Variants in INPP4B observed in about 807,000 individuals in gnomAD.
The protein encoded by INPP4B is inositol polyphosphate 4-phosphatase type II.
A neutral mutation model predicts 122.5 loss-of-function variants in INPP4B; 55 were observed. The observed-to-expected ratio is 0.45, with a 90% CI of 0.36 to 0.56. The LOEUF (loss-of-function observed/expected upper bound fraction) is 0.56. Among genes scored for constraint, INPP4B ranks in the 20% least tolerant of loss-of-function variants. The pLI, the probability that INPP4B is intolerant of heterozygous loss-of-function variation, is 0.00. For synonymous variants in INPP4B, 403 were observed against 388.7 expected (o/e 1.04, Z -0.43); for missense variants, 1,000 against 1,097.7 (o/e 0.91, Z 1.26).
chr4:142,651,608 C>T (rs1052391939), intron 2 of INPP4B, among the ~76,000 whole-genome samples: 2 of 152,148 alleles, frequency 1.3e-5, no homozygotes, highest in African/African-American at 4.8e-5. Context: ...CGCAAATAAA[C>T]TAGAAAATCT....
At chr4:142,407,906 TTACTAATATCA>T (rs923588906) in intron 5 of INPP4B, among the ~76,000 whole-genome samples, 10 of 152,300 alleles carry the variant, frequency 6.6e-5, no homozygotes, top group African/African-American at 2.4e-4. Context: ...AAAAAAAAGT[TTACTAATATCA>T]TACTAATATA....
chr4:142,351,343 G>A lies in INPP4B; in HGVS notation c.373-36581C>T, dbSNP rs533369689. ...ACAGTTGCCACTTCTGTGATTATTT[G>A]TAGTTCTCTTTTACCCTTTCATTGA... On this transcript the variant is annotated intron_variant, in intron 7 of 25. Coordinates refer to ENST00000262992, the MANE Select transcript of INPP4B (RefSeq NM_001101669.3). Among the ~76,000 whole-genome samples the A allele has an allele frequency of 2.6e-5, 4 of 152,070 alleles. No individual in the cohort carries two copies. The South Asian group carries it at 8.3e-4, about 32-fold the overall frequency.
At chr4:142,796,141 C>T (rs1777207352) in intron 1 of INPP4B, among the ~76,000 whole-genome samples, 1 of 151,870 alleles carries the variant, frequency 6.6e-6, no homozygotes, top group South Asian at 2.1e-4. Flanking sequence ...TGCATCTTCT[C>T]ATAGGTGACA....
chr4:142,306,456 T>A (rs927111124), intron 8 of INPP4B, among the ~76,000 whole-genome samples: 60 of 152,344 alleles, frequency 3.9e-4, no homozygotes, highest in South Asian at 2.3e-3. Flanking sequence ...AAGTCAATGC[T>A]ACTTCTTCCA....
chr4:142,648,062 A>G (rs539682726), intron 2 of INPP4B, among the ~76,000 whole-genome samples: 1 of 152,354 alleles, frequency 6.6e-6, no homozygotes, highest in South Asian at 2.1e-4. Flanking sequence ...ATTTCTTAGA[A>G]AGGAACTCAC....
chr4:142,141,959 T>A (rs979525532), intron 18 of INPP4B, among the ~76,000 whole-genome samples: 2 of 152,028 alleles, frequency 1.3e-5, no homozygotes, highest in Non-Finnish European at 2.9e-5. Flanking sequence ...CAAAACCCTA[T>A]GAAATAAAAC....
At chr4:142,537,291 A>T (rs1828312738) in intron 2 of INPP4B, among the ~76,000 whole-genome samples, 1 of 151,100 alleles carries the variant, frequency 6.6e-6, no homozygotes, top group Non-Finnish European at 1.5e-5. Context: ...TTAAAGGGAG[A>T]TCAAAGTGTA....
intron 5 of INPP4B, among the ~76,000 whole-genome samples, chr4:142,427,847 A>G (rs1420814160): frequency 6.6e-6 from 1 of 151,996 alleles, no homozygotes; most frequent in Non-Finnish European, 1.5e-5. Context: ...TGTACGAGTG[A>G]AGAGTGCCTA....
At chr4:142,358,690 A>G (rs1170202858) in intron 7 of INPP4B, among the ~76,000 whole-genome samples, 1 of 149,810 alleles carries the variant, frequency 6.7e-6, no homozygotes, top group Non-Finnish European at 1.5e-5. Flanking sequence ...TGATTCCAGC[A>G]TGCAGCCAAG....
chr4:142,461,548 A>T lies in INPP4B; in HGVS notation c.-127+1115T>A, dbSNP rs139901439. On this transcript the variant is annotated intron_variant, in intron 3 of 25. Transcript: ENST00000262992. ...ATAATTAAGGTCAAGAAAAATCTTC[A>T]GCTGGAAAAAAATAAACCAATGAAG... Among the ~76,000 whole-genome samples the T allele has an allele frequency of 3.9e-4, 59 of 152,268 alleles. No homozygotes were observed. The East Asian group carries it at 0.011, about 29-fold the overall frequency.
chr4:142,138,484 T>G (rs1194007153), intron 18 of INPP4B, among the ~76,000 whole-genome samples: 1 of 151,560 alleles, frequency 6.6e-6, no homozygotes, highest in Non-Finnish European at 1.5e-5. Flanking sequence ...CATGTATACA[T>G]ATGTAACTAA....
At chr4:142,614,407 A>G (rs1448909399) in intron 2 of INPP4B, among the ~76,000 whole-genome samples, 1 of 152,152 alleles carries the variant, frequency 6.6e-6, no homozygotes, top group African/African-American at 2.4e-5. Context: ...ATAGATTAAA[A>G]ACCTAAATGT....
At chr4:142,028,953 GAATA>G (rs1455708233) in intron 25 of INPP4B, 39 bp from the exon 26 acceptor site, 1 of 1,587,774 alleles carries the variant, frequency 6.3e-7, no homozygotes, top group East Asian at 2.3e-5. Flanking sequence ...ATGAAACACA[GAATA>G]AATAAATATG....
chr4:142,031,396 T>G (rs2152273422), intron 25 of INPP4B, among the ~76,000 whole-genome samples: 1 of 152,318 alleles, frequency 6.6e-6, no homozygotes, highest in Middle Eastern at 3.4e-3. Context: ...ACAGAAATTT[T>G]TGACCAGGCA....
chr4:142,258,571 G>C (rs2150350380), intron 11 of INPP4B, among the ~76,000 whole-genome samples: 1 of 152,274 alleles, frequency 6.6e-6, no homozygotes, highest in East Asian at 1.9e-4. Flanking sequence ...CTCAAAAGAA[G>C]ACATTTATGC....
chr4:142,160,983 T>C (rs533605702), intron 16 of INPP4B, among the ~76,000 whole-genome samples: 1 of 152,144 alleles, frequency 6.6e-6, no homozygotes, highest in African/African-American at 2.4e-5. Context: ...GCAATTACTT[T>C]TGCACCAGCC....
intron 5 of INPP4B, among the ~76,000 whole-genome samples, chr4:142,425,521 A>G (rs1347918102): frequency 6.6e-6 from 1 of 151,872 alleles, no homozygotes; most frequent in African/African-American, 2.4e-5. Context: ...CAGTATTCCC[A>G]TTATAAGAAC....
intron 2 of INPP4B, among the ~76,000 whole-genome samples, chr4:142,670,126 G>GA (rs779415284): frequency 1.3e-5 from 2 of 152,090 alleles, no homozygotes; most frequent in Non-Finnish European, 2.9e-5. Context: ...AATCACTTAA[G>GA]AGTCACCTAG....
At chr4:142,461,343 T>C (rs991082330) in intron 3 of INPP4B, among the ~76,000 whole-genome samples, 1 of 152,240 alleles carries the variant, frequency 6.6e-6, no homozygotes, top group Non-Finnish European at 1.5e-5. Flanking sequence ...GAAAGAAATA[T>C]GATTCAGATT....
Sources: gnomAD v4.1 joint callset for allele counts (sites outside exome capture counted in the v4.1 genomes callset) on GRCh38, gnomAD v4.1.1 for gene constraint, MANE v1.5 for transcripts, NCBI Gene and HGNC (gene_info 2026-07-23, HGNC 2026-07-21) for gene names.